GRB10: variants seen among roughly 807,000 people sequenced by gnomAD.
GRB10 encodes growth factor receptor-bound protein 10.
Under a neutral mutation model 80.9 loss-of-function variants are expected in GRB10, and 20 were observed. The ratio of observed to expected loss-of-function variants is 0.25; its 90% CI spans 0.17 to 0.36. GRB10 has a LOEUF of 0.36. Among genes scored for constraint, GRB10 ranks in the 10% least tolerant of loss-of-function variants. The pLI, the probability that GRB10 is intolerant of heterozygous loss-of-function variation, is 1.00. For synonymous variants in GRB10, 291 were observed against 291.5 expected (o/e 1.00, Z 0.02); for missense variants, 548 against 747.7 (o/e 0.73, Z 3.12).
At chr7:50,645,834 G>A (rs755880177) in intron 7 of GRB10, among the ~76,000 whole-genome samples, 47 of 152,186 alleles carry the variant, frequency 3.1e-4, no homozygotes, top group Non-Finnish European at 6.6e-4. Flanking sequence ...GTGGTGCGAG[G>A]CCCTAGGCAG....
rs1040893797 is a variant in GRB10, at chr7:50,712,048, C to CAA, written c.52-8141_52-8140insTT. ...ATGGGTAACTACAAAATCTGTCACT[C>CAA]AGAGAATTCCTAAAACATGCAGAAA... is the stretch of plus-strand genomic sequence containing the variant. On this transcript the variant is annotated intron_variant, in intron 4 of 18. Transcript: ENST00000401949. 1.9e-4 allele frequency among the ~76,000 whole-genome samples: 29 copies of CAA among 151,900 alleles called. No individual in the cohort carries two copies. In the Middle Eastern group the frequency reaches 0.01, roughly 53 times the overall value.
At chr7:50,688,753 C>A (rs1213661174) in intron 5 of GRB10, among the ~76,000 whole-genome samples, 1 of 131,812 alleles carries the variant, frequency 7.6e-6, no homozygotes, top group South Asian at 2.3e-4. Flanking sequence ...GGTGCAGAGG[C>A]AGGCAGTGAG....
intron 9 of GRB10, 96 bp downstream of exon 9, chr7:50,619,074 C>G (rs954913750): frequency 1.2e-5 from 9 of 754,052 alleles, no homozygotes; most frequent in Non-Finnish European, 1.9e-5. Context: ...TACACCATGC[C>G]TCTCAGTCAC....
chr7:50,624,640 G>A (rs993130919), intron 8 of GRB10, among the ~76,000 whole-genome samples: 1 of 152,146 alleles, frequency 6.6e-6, no homozygotes, highest in Non-Finnish European at 1.5e-5. Context: ...TGGTGAAACT[G>A]GTAGCTCTAA....
At chr7:50,609,192 T>G (rs955083302) in intron 13 of GRB10, among the ~76,000 whole-genome samples, 3 of 152,170 alleles carry the variant, frequency 2.0e-5, no homozygotes, top group Non-Finnish European at 4.4e-5. Flanking sequence ...TAAATCACAG[T>G]AAATATTTTG....
At chr7:50,763,567 A>T (rs1299970144) in intron 2 of GRB10, among the ~76,000 whole-genome samples, 2 of 152,224 alleles carry the variant, frequency 1.3e-5, no homozygotes, top group Admixed American at 6.5e-5. Flanking sequence ...CACACACGGA[A>T]TGTTTACTAC....
intron 2 of GRB10, among the ~76,000 whole-genome samples, chr7:50,777,021 AC>A (rs2077728331): frequency 1.9e-5 from 2 of 106,524 alleles, no homozygotes; most frequent in African/African-American, 3.7e-5. Flanking sequence ...TGCTATAACA[AC>A]ACCCACTCTC....
At chr7:50,762,981 G>A (rs768167884) in intron 2 of GRB10, among the ~76,000 whole-genome samples, 1 of 152,120 alleles carries the variant, frequency 6.6e-6, no homozygotes, top group East Asian at 1.9e-4. Flanking sequence ...AGCTGAGCAT[G>A]GTGGTGGACG....
At chr7:50,626,592 G>A (rs967131558) in intron 8 of GRB10, among the ~76,000 whole-genome samples, 28 of 152,226 alleles carry the variant, frequency 1.8e-4, no homozygotes, top group Admixed American at 1.8e-3. Flanking sequence ...CCCTTGGCAA[G>A]TTATTACCTC....
At chr7:50,691,524 ACTAT>A (rs1352222457) in intron 5 of GRB10, among the ~76,000 whole-genome samples, 3 of 152,260 alleles carry the variant, frequency 2.0e-5, no homozygotes, top group Non-Finnish European at 4.4e-5. Context: ...GGAACCTACT[ACTAT>A]AGCTGGAGAA....
chr7:50,742,250 AACACACGCGCACGCGCGCGCGCACAC>A (rs2071901044), intron 3 of GRB10, among the ~76,000 whole-genome samples: 1 of 62,994 alleles, frequency 1.6e-5, no homozygotes, highest in African/African-American at 3.6e-5. Flanking sequence ...TCTATGTGTA[AACACACGCGCACGCGCGCGCGCACAC>A]ACACACACAC....
chr7:50,773,416 G>A (rs1350176778), intron 2 of GRB10, among the ~76,000 whole-genome samples: 1 of 72,982 alleles, frequency 1.4e-5, no homozygotes, highest in Non-Finnish European at 3.8e-5. Context: ...AGGGGAAGGG[G>A]ACGGGGAAGG....
At chr7:50,680,662 A>C (rs2061440174) in intron 5 of GRB10, among the ~76,000 whole-genome samples, 2 of 152,250 alleles carry the variant, frequency 1.3e-5, no homozygotes. Flanking sequence ...AAAATGGGAC[A>C]AAAATAAACA....
intron 5 of GRB10, 66 bp downstream of exon 5, chr7:50,703,755 T>C: frequency 9.1e-7 from 1 of 1,104,364 alleles, no homozygotes; most frequent in African/African-American, 1.5e-5. Flanking sequence ...CATTTTAGAA[T>C]ATCAGATCTG....
At chr7:50,689,716 G>C (rs1209108912) in intron 5 of GRB10, among the ~76,000 whole-genome samples, 2 of 152,090 alleles carry the variant, frequency 1.3e-5, no homozygotes, top group Non-Finnish European at 2.9e-5. Context: ...ATTCATAGTG[G>C]GGAATATAAT....
chr7:50,596,707 A>C (rs1393512508), intron 17 of GRB10, among the ~76,000 whole-genome samples: 1 of 151,786 alleles, frequency 6.6e-6, no homozygotes, highest in Non-Finnish European at 1.5e-5. Context: ...ACTTACTCCT[A>C]AACGGTTCAG....
In GRB10 at chr7:50,671,909, A is replaced by G. The variant is rs539583370; in HGVS notation, c.363-2046T>C. Among the ~76,000 whole-genome samples the G allele has an allele frequency of 2.0e-4, 30 of 152,318 alleles. 1 individual carries two copies. The highest frequency in any genetic ancestry group is 1.4e-3 in the South Asian group (7 of 4,828). On this transcript the variant is annotated intron_variant, in intron 6 of 18. Coordinates refer to ENST00000401949, the MANE Select transcript of GRB10 (RefSeq NM_001350814.2). Reference sequence around the variant, plus strand: ...TCCCCACCAAAGAGGCTCACAATAGAAGGGACAGTGACTATGGAGAGGGGT... The same window carrying G: ...TCCCCACCAAAGAGGCTCACAATAGGAGGGACAGTGACTATGGAGAGGGGT...
intron 7 of GRB10, among the ~76,000 whole-genome samples, chr7:50,634,385 T>G (rs2054560194): frequency 1.3e-5 from 2 of 152,066 alleles, no homozygotes; most frequent in Non-Finnish European, 2.9e-5. Flanking sequence ...AAAAAAATTC[T>G]CAAAGGAGTT....
At chr7:50,742,740 G>T (rs1467983845) in intron 3 of GRB10, among the ~76,000 whole-genome samples, 7 of 152,010 alleles carry the variant, frequency 4.6e-5, no homozygotes, top group African/African-American at 1.7e-4. Context: ...GGGAGGGGGT[G>T]GGGGGTAATA....
Sources: gnomAD v4.1 joint callset for allele counts (sites outside exome capture counted in the v4.1 genomes callset) on GRCh38, gnomAD v4.1.1 for gene constraint, MANE v1.5 for transcripts, NCBI Gene and HGNC (gene_info 2026-07-23, HGNC 2026-07-21) for gene names.